Variants in SV2C observed in about 807,000 individuals in gnomAD.
The protein encoded by SV2C is synaptic vesicle glycoprotein 2C.
Under a neutral mutation model 79.7 loss-of-function variants are expected in SV2C, and 49 were observed. The observed-to-expected ratio is 0.61, with a 90% CI of 0.49 to 0.78. SV2C has a LOEUF of 0.78. Ranked by LOEUF, SV2C falls within the 30% of genes least tolerant of loss-of-function variation. SV2C has a pLI of 0.00. For missense variants in SV2C, 833 were observed against 912.9 expected (o/e 0.91, Z 1.13); for synonymous variants, 334 against 333.2 (o/e 1.00, Z -0.03).
chr5:75,924,987 T>C, the SV2C span, among the ~76,000 whole-genome samples: 8 of 152,124 alleles, frequency 5.3e-5, no homozygotes, highest in African/African-American at 1.9e-4. Context: ...GAAATAAAAT[T>C]ATTGAATCAT....
At chr5:76,150,598 A>G (rs1580308863) in intron 2 of SV2C, among the ~76,000 whole-genome samples, 1 of 148,394 alleles carries the variant, frequency 6.7e-6, no homozygotes, top group South Asian at 2.2e-4. Context: ...GCAGTGGCCC[A>G]ACTATTCGTC....
chr5:76,345,914 G>T (rs960002339), intron 12 of SV2C, among the ~76,000 whole-genome samples: 1 of 152,148 alleles, frequency 6.6e-6, no homozygotes, highest in East Asian at 1.9e-4. Flanking sequence ...CTGCCTCTCT[G>T]TGTAGAAAGC....
chr5:76,132,449 T>G, intron 2 of SV2C, 119 bp downstream of exon 2: 1 of 1,066,876 alleles, frequency 9.4e-7, no homozygotes, highest in African/African-American at 1.6e-5. Context: ...AACAAATTTT[T>G]TATTACAAAA....
intron 12 of SV2C, among the ~76,000 whole-genome samples, chr5:76,313,505 C>T (rs765978423): frequency 9.1e-4 from 139 of 152,170 alleles, no homozygotes; most frequent in Non-Finnish European, 1.7e-3. Flanking sequence ...GGAAGCAAAT[C>T]CTGCCAAGTG....
chr5:75,966,275 T>A, the SV2C span, among the ~76,000 whole-genome samples: 4 of 152,336 alleles, frequency 2.6e-5, no homozygotes, highest in South Asian at 6.2e-4. Context: ...AAATATAATA[T>A]ATTCACTGAA....
At chr5:75,979,278 T>C in the SV2C span, among the ~76,000 whole-genome samples, 1 of 152,036 alleles carries the variant, frequency 6.6e-6, no homozygotes, top group South Asian at 2.1e-4. Context: ...CATATAGTAA[T>C]AGTGGGAGAC....
chr5:76,068,576 G>A, the SV2C span, among the ~76,000 whole-genome samples: 2 of 151,882 alleles, frequency 1.3e-5, no homozygotes, highest in African/African-American at 2.4e-5. Context: ...ATAATTGACT[G>A]GAAAGTTTTC....
intron 2 of SV2C, among the ~76,000 whole-genome samples, chr5:76,159,340 T>A (rs1486044022): frequency 6.6e-6 from 1 of 151,916 alleles, no homozygotes; most frequent in East Asian, 1.9e-4. Flanking sequence ...AACAAAAGTA[T>A]CTCTATTTGC....
chr5:76,153,866 C>T (rs1742640469), intron 2 of SV2C, among the ~76,000 whole-genome samples: 1 of 152,194 alleles, frequency 6.6e-6, no homozygotes, highest in Admixed American at 6.5e-5. Context: ...GAATTTACCA[C>T]TCTGGAACAA....
At chr5:76,140,195 G>A (rs1158727500) in intron 2 of SV2C, among the ~76,000 whole-genome samples, 4 of 152,106 alleles carry the variant, frequency 2.6e-5, no homozygotes, top group Admixed American at 1.3e-4. Context: ...GCACTATTTG[G>A]ACTCTAGAAA....
chr5:75,962,343 T>G, the SV2C span, among the ~76,000 whole-genome samples: 2 of 152,126 alleles, frequency 1.3e-5, no homozygotes, highest in Non-Finnish European at 2.9e-5. Context: ...CTTTGTATAC[T>G]TAGAGCCTAT....
intron 4 of SV2C, among the ~76,000 whole-genome samples, chr5:76,283,104 G>A (rs1035648645): frequency 4.6e-5 from 7 of 152,120 alleles, no homozygotes; most frequent in Non-Finnish European, 1.0e-4. Flanking sequence ...CACGAGATCA[G>A]GAGATCGAGA....
chr5:76,166,592 A>G (rs1743053202), intron 2 of SV2C, among the ~76,000 whole-genome samples: 1 of 152,266 alleles, frequency 6.6e-6, no homozygotes. Flanking sequence ...AGTCCCACAA[A>G]TATCTAGGAG....
At chr5:76,280,824 C>T in intron 4 of SV2C, 1 of 385,486 alleles carries the variant, frequency 2.6e-6, no homozygotes, top group Non-Finnish European at 5.2e-6. Context: ...GCTTTTGGAG[C>T]CAGCAGTTGC....
At chr5:76,114,666 T>C (rs892756499) in intron 1 of SV2C, among the ~76,000 whole-genome samples, 10 of 152,234 alleles carry the variant, frequency 6.6e-5, no homozygotes, top group Non-Finnish European at 1.2e-4. Context: ...AGCTTTCTTT[T>C]GTGGGCTAAA....
chr5:76,008,464 G>A, the SV2C span, among the ~76,000 whole-genome samples: 20 of 151,904 alleles, frequency 1.3e-4, no homozygotes, highest in South Asian at 2.9e-3. Flanking sequence ...TTTTTTCCTC[G>A]CAACGAGTCC....
chr5:75,952,595 T>TCA, the SV2C span, among the ~76,000 whole-genome samples: 1 of 151,868 alleles, frequency 6.6e-6, no homozygotes, highest in African/African-American at 2.4e-5. Context: ...CTCAGTTAGT[T>TCA]CACACACAAT....
intron 1 of SV2C, among the ~76,000 whole-genome samples, chr5:76,110,440 A>G (rs192440241): frequency 6.6e-6 from 1 of 152,316 alleles, no homozygotes; most frequent in Admixed American, 6.5e-5. Context: ...CTGCATTTTC[A>G]TATGAAGTTA....
the SV2C span, among the ~76,000 whole-genome samples, chr5:75,886,327 C>T: frequency 0.021 from 3,146 of 152,188 alleles, 102 homozygotes; most frequent in African/African-American, 0.069. Flanking sequence ...CTGTCTTTTA[C>T]GTTCCCCTTC....
Sources: allele counts gnomAD v4.1 joint callset (sites outside exome capture counted in the v4.1 genomes callset), GRCh38; gene constraint gnomAD v4.1.1; transcripts MANE v1.5; gene names NCBI Gene and HGNC (gene_info 2026-07-23, HGNC 2026-07-21).